WDR27: variants seen among roughly 807,000 people sequenced by gnomAD.
WDR27 encodes the protein WD repeat-containing protein 27.
A neutral mutation model predicts 114.4 loss-of-function variants in WDR27; 100 were observed. That is an observed-to-expected ratio of 0.87 (90% confidence interval 0.74 to 1.03). WDR27 has a LOEUF of 1.03. Ranked by LOEUF, WDR27 falls within the 50% of genes least tolerant of loss-of-function variation. The pLI is 0.00. For synonymous variants in WDR27, 449 were observed against 423.1 expected (o/e 1.06, Z -0.75); for missense variants, 1,129 against 1,092.9 (o/e 1.03, Z -0.47).
chr6:169,670,334 G>A, intron 4 of WDR27: 1 of 378,860 alleles, frequency 2.6e-6, no homozygotes, highest in Non-Finnish European at 4.6e-6. Context: ...AGTCATACCT[G>A]ACACCCAGAT....
chr6:169,553,234 G>T (rs985592911), intron 25 of WDR27, among the ~76,000 whole-genome samples: 7 of 152,182 alleles, frequency 4.6e-5, no homozygotes, highest in Admixed American at 3.9e-4. Context: ...TCCCGATGTG[G>T]CCCCTGCTCT....
At chr6:169,438,459 G>C in the WDR27 span, among the ~76,000 whole-genome samples, 8 of 151,894 alleles carry the variant, frequency 5.3e-5, no homozygotes, top group Non-Finnish European at 1.2e-4. Context: ...GGATGGTCTT[G>C]ATCTCCTGAC....
chr6:169,646,235 C>T (rs866829245), intron 16 of WDR27, among the ~76,000 whole-genome samples: 31 of 152,288 alleles, frequency 2.0e-4, no homozygotes, highest in African/African-American at 7.0e-4. Flanking sequence ...CCTCCCTTAA[C>T]AGAAGAGGAA....
intron 2 of WDR27, among the ~76,000 whole-genome samples, chr6:169,680,384 C>A (rs556684607): frequency 6.6e-6 from 1 of 152,242 alleles, no homozygotes; most frequent in East Asian, 1.9e-4. Flanking sequence ...AGATCGAGAC[C>A]ATCCTGGCTA....
chr6:169,694,732 C>T (rs773287763), intron 1 of WDR27, among the ~76,000 whole-genome samples: 49 of 152,246 alleles, frequency 3.2e-4, no homozygotes, highest in Admixed American at 2.0e-4. Context: ...CTGGTCTCCC[C>T]AACCCTCAGC....
In WDR27 at chr6:169,665,533, T is replaced by C. The variant is rs763857247; in HGVS notation, c.736A>G (p.Ile246Val). Reference protein sequence around the residue: ...LSAYPLLSLFIDAESRQLVTG... With the variant: ...LSAYPLLSLFVDAESRQLVTG... Reference sequence around the variant, plus strand: ...ACCAGCTGCCTGCTTTCTGCATCAATGAATAAACTGAGAAGAGGATATGCT... The same window carrying C: ...ACCAGCTGCCTGCTTTCTGCATCAACGAATAAACTGAGAAGAGGATATGCT... The change falls in exon 7 of 26, where the codon ATT becomes GTT. Residue 246 changes from isoleucine (I) to valine (V), a missense_variant. Physicochemically the swap from Ile to Val is conservative, Grantham distance 29 (BLOSUM62 3). Coordinates refer to ENST00000448612, the MANE Select transcript of WDR27 (RefSeq NM_182552.5). 5.0e-6 allele frequency: 8 copies of C among 1,613,776 alleles called. No individual in the cohort carries two copies. Among genetic ancestry groups the C allele is most frequent in the African/African-American group, 2.7e-5 (2 of 75,044 alleles).
At chr6:169,645,508 A>C (rs1375226401) in intron 16 of WDR27, among the ~76,000 whole-genome samples, 12 of 148,336 alleles carry the variant, frequency 8.1e-5, no homozygotes, top group Admixed American at 5.4e-4. Flanking sequence ...CCTAGTTCAC[A>C]GGGTCACACT....
Position 169,697,342 on chromosome 6 carries a change from G to A in WDR27, c.-8+4209C>T, listed in dbSNP as rs559698178. Among the ~76,000 whole-genome samples the A allele has an allele frequency of 2.6e-3, 392 of 152,266 alleles. 1 individual carries two copies. Among genetic ancestry groups the A allele is most frequent in the Non-Finnish European group, 3.9e-3 (265 of 68,022 alleles). ...GTCTAGCGGTAACGCCAGCATCTGG[G>A]AAGATGCTCTTTGCCAGGTGGACCG... On this transcript the variant is annotated intron_variant, in intron 1 of 25. Transcript: ENST00000448612.
chr6:169,676,037 A>C (rs1055547124), intron 2 of WDR27, among the ~76,000 whole-genome samples: 9 of 152,328 alleles, frequency 5.9e-5, no homozygotes, highest in Admixed American at 2.0e-4. Context: ...ACTGAAAAGT[A>C]AGTCATGATA....
chr6:169,688,322 A>C lies in WDR27; in HGVS notation c.189+495T>G, dbSNP rs550137418. Among the ~76,000 whole-genome samples, 21 of 152,280 alleles carry C rather than the reference A, an allele frequency of 1.4e-4. No homozygotes were observed. The East Asian group carries it at 3.9e-3, about 28-fold the overall frequency. On this transcript the variant is annotated intron_variant, in intron 2 of 25. Transcript: ENST00000448612. Reference sequence around the variant, plus strand: ...TATAAAGTTCATCACAAGCAAAATTAACCTGTGGTATTAGAAGTCAAGATA... The same window carrying C: ...TATAAAGTTCATCACAAGCAAAATTCACCTGTGGTATTAGAAGTCAAGATA...
chr6:169,500,312 C>T (rs1456500768), intron 25 of WDR27, among the ~76,000 whole-genome samples: 1 of 152,076 alleles, frequency 6.6e-6, no homozygotes, highest in Admixed American at 6.5e-5. Flanking sequence ...GCTTGCTATT[C>T]CAAATGAGGT....
intron 25 of WDR27, among the ~76,000 whole-genome samples, chr6:169,502,088 C>G (rs963394378): frequency 6.6e-6 from 1 of 152,192 alleles, no homozygotes; most frequent in Non-Finnish European, 1.5e-5. Flanking sequence ...CTAGGGCAGC[C>G]GCCCCGGGGC....
intron 25 of WDR27, among the ~76,000 whole-genome samples, chr6:169,494,235 G>A (rs1790128425): frequency 6.6e-6 from 1 of 152,124 alleles, no homozygotes; most frequent in Non-Finnish European, 1.5e-5. Flanking sequence ...CCTAATGGGG[G>A]TGGGCCTCAT....
chr6:169,578,356 G>A (rs1802798019), intron 24 of WDR27, among the ~76,000 whole-genome samples: 1 of 152,208 alleles, frequency 6.6e-6, no homozygotes. Flanking sequence ...AATGTGAGAG[G>A]CCAGAAAGTT....
chr6:169,462,384 C>A (rs572062893), intron 25 of WDR27, among the ~76,000 whole-genome samples: 1 of 151,726 alleles, frequency 6.6e-6, no homozygotes, highest in Non-Finnish European at 1.5e-5. Context: ...CTGCAGTAAG[C>A]TGAGATTGTG....
chr6:169,544,218 A>C (rs989346464), intron 25 of WDR27, among the ~76,000 whole-genome samples: 1 of 152,152 alleles, frequency 6.6e-6, no homozygotes, highest in African/African-American at 2.4e-5. Context: ...CTCAGTCCAC[A>C]TAGTGCTCTA....
intron 25 of WDR27, among the ~76,000 whole-genome samples, chr6:169,565,121 GCGGGAGATGTGTTCTGACCAGCA>G (rs1341193409): frequency 6.6e-6 from 1 of 152,184 alleles, no homozygotes; most frequent in African/African-American, 2.4e-5. Context: ...TGCTTACACG[GCGGGAGATGTGTTCTGACCAGCA>G]CGGGATAGAA....
Position 169,598,468 on chromosome 6 carries a change from G to A in WDR27, c.2424+3751C>T, listed in dbSNP as rs1029737495. Among the ~76,000 whole-genome samples, 22 of 152,144 alleles carry A rather than the reference G, an allele frequency of 1.4e-4. 1 individual carries two copies. Among genetic ancestry groups the A allele is most frequent in the Admixed American group, 1.2e-3 (19 of 15,274 alleles). On this transcript the variant is annotated intron_variant, in intron 23 of 25. Transcript: ENST00000448612. ...GTAAGGACCCCACTCCCATGGTAATGGCATTAATCCTTGCAGGAGGGCCAG... is the reference window on the plus strand; with the variant it reads ...GTAAGGACCCCACTCCCATGGTAATAGCATTAATCCTTGCAGGAGGGCCAG...
intron 25 of WDR27, among the ~76,000 whole-genome samples, chr6:169,497,483 G>T (rs918776999): frequency 5.3e-5 from 8 of 151,412 alleles, no homozygotes; most frequent in Admixed American, 6.6e-5. Flanking sequence ...CAATCCATAG[G>T]ATCAGAGAAA....
Sources: gnomAD v4.1 joint callset for allele counts (sites outside exome capture counted in the v4.1 genomes callset) on GRCh38, gnomAD v4.1.1 for gene constraint, MANE v1.5 for transcripts, NCBI Gene and HGNC (gene_info 2026-07-23, HGNC 2026-07-21) for gene names.